Variants in VSIG10L2 observed in about 807,000 individuals in gnomAD.
The protein encoded by VSIG10L2 is V-set and immunoglobulin domain-containing protein 10-like 2.
A neutral mutation model predicts 67.1 loss-of-function variants in VSIG10L2; 56 were observed. The ratio of observed to expected loss-of-function variants is 0.83; its 90% CI spans 0.67 to 1.04. The LOEUF (loss-of-function observed/expected upper bound fraction) is 1.04. Ranked by LOEUF, VSIG10L2 falls within the 50% of genes least tolerant of loss-of-function variation. The pLI, the probability that VSIG10L2 is intolerant of heterozygous loss-of-function variation, is 0.00. For synonymous variants in VSIG10L2, 360 were observed against 396.6 expected (o/e 0.91, Z 1.10); for missense variants, 843 against 932.8 (o/e 0.90, Z 1.25).
chr11:125,953,120 G>A (rs1359885426), intron 6 of VSIG10L2, among the ~76,000 whole-genome samples: 1 of 152,204 alleles, frequency 6.6e-6, no homozygotes, highest in Non-Finnish European at 1.5e-5. Context: ...GACTAGTAAG[G>A]CAGGGCCCTG....
In VSIG10L2 at chr11:125,946,730, G is replaced by A. The variant is rs1359366458; in HGVS notation, c.82+593G>A. Among the ~76,000 whole-genome samples the A allele has an allele frequency of 6.6e-6, 1 of 152,076 alleles. No homozygotes were observed. The highest frequency in any genetic ancestry group is 1.5e-5 in the Non-Finnish European group (1 of 68,006). On this transcript the variant is annotated intron_variant, in intron 1 of 11. Transcript: ENST00000686984. This position sits in a 1 kb window ranked among gnomAD's most constrained non-coding sequence, Gnocchi z 4.4. The stretch of plus-strand genomic sequence containing the variant: ...TTTTTGTATTTTTAGTAGAGCCAGG[G>A]TTTTGCCATGTTGGCCAGGCTGGTC...
At chr11:125,949,971 GA>G (rs1945344156) in intron 3 of VSIG10L2, 42 bp from the exon 4 acceptor site, 9 of 1,232,092 alleles carry the variant, frequency 7.3e-6, no homozygotes, top group Non-Finnish European at 9.1e-6. Context: ...GTGAATGAAG[GA>G]ATGAAGCTGG....
chr11:125,947,892 C>T lies in VSIG10L2; in HGVS notation c.289C>T (p.Leu97=). ...CAAGGTGGAGGCCATCGCCTCGGCT[C>T]TGGGAGTCGTGAGTCTGAGGAACAG... is the stretch of plus-strand genomic sequence containing the variant. ...MSKVEAIASA[L]GVVSLRNSSL... is the part of the protein sequence containing the mutation. The change falls in exon 2 of 12, where the codon CTG becomes TTG. Residue 97 remains leucine (L), a synonymous_variant. Coordinates refer to ENST00000686984, the MANE Select transcript of VSIG10L2 (RefSeq NM_001365077.2). 8.1e-7 allele frequency: 1 copy of T among 1,232,352 alleles called. No homozygotes were observed. The highest frequency in any genetic ancestry group is 1.0e-6 in the Non-Finnish European group (1 of 988,108). 76.3% of individuals were successfully genotyped at this position (1,232,352 alleles called of 1,614,324 possible).
Position 125,950,250 on chromosome 11 carries a change from G to A in VSIG10L2, c.946G>A (p.Asp316Asn). ...YTCLARNSYL[D>N]TRTQTTVQLT... ...CTGCCTGGCCCGCAACAGCTACCTG[G>A]ACACCCGCACCCAGACTACTGTCCA... Residue 316 changes from aspartate to asparagine, a missense_variant, in exon 4 of 12, where the codon GAC becomes AAC. This residue lies in a region of VSIG10L2 where 446 missense variants were observed against 548.4 expected (regional missense o/e 0.81). Coordinates refer to ENST00000686984, the MANE Select transcript of VSIG10L2 (RefSeq NM_001365077.2). 2 of 1,232,450 alleles carry A rather than the reference G, an allele frequency of 1.6e-6. No individual in the cohort carries two copies. The highest frequency in any genetic ancestry group is 2.0e-6 in the Non-Finnish European group (2 of 988,188). 76.3% of individuals were successfully genotyped at this position (1,232,450 alleles called of 1,614,324 possible).
chr11:125,950,339 C>G, intron 4 of VSIG10L2, 50 bp downstream of exon 4: 1 of 1,231,650 alleles, frequency 8.1e-7, no homozygotes, highest in Non-Finnish European at 1.0e-6. Flanking sequence ...GGACAACTCA[C>G]GCTGGAGCCT....
At position 125,953,643 on chromosome 11, in the gene VSIG10L2, G is replaced by C. The variant is rs556457078; in HGVS notation, c.1739G>C (p.Arg580Pro). ...HHRGTYQCVA[R>P]NAVGNSSQSV... ...AGGGGCACCTACCAATGCGTGGCCC[G>C]CAACGCCGTGGGCAATAGCAGTCAG... Residue 580 changes from arginine to proline, a missense_variant, in exon 7 of 12, where the codon CGC becomes CCC. Around this residue, in one of 2 missense-constraint regions of VSIG10L2, gnomAD observed 397 missense variants for 384.4 expected, o/e 1.03. Coordinates refer to ENST00000686984, the MANE Select transcript of VSIG10L2 (RefSeq NM_001365077.2). 6.5e-6 allele frequency: 8 copies of C among 1,232,156 alleles called. No individual in the cohort carries two copies. The highest frequency in any genetic ancestry group is 7.1e-6 in the Non-Finnish European group (7 of 988,032). The allele number at this position is 1,232,156 out of a possible 1,614,324, so 76.3% of individuals were successfully genotyped here. A position where few individuals can be genotyped will look rare whatever the true frequency, so the allele number is the denominator to read the frequency against.
intron 1 of VSIG10L2, chr11:125,947,339 G>A (rs1000397348): frequency 1.3e-6 from 1 of 781,442 alleles, no homozygotes; most frequent in Non-Finnish European, 1.6e-6. Context: ...CCTGGGCCCT[G>A]ACCCCCTCAC....
rs1456344767 is a variant in VSIG10L2 at position 125,955,061 on chromosome 11, C to G, written c.2088C>G (p.Asp696Glu). 8.1e-7 allele frequency: 1 copy of G among 1,234,348 alleles called. No individual in the cohort carries two copies. The highest frequency in any genetic ancestry group is 4.2e-5 in the Admixed American group (1 of 23,988). 76.5% of individuals were successfully genotyped at this position (1,234,348 alleles called of 1,614,324 possible). A position where few individuals can be genotyped will look rare whatever the true frequency, so the allele number is the denominator to read the frequency against. Residue 696 changes from aspartate (D) to glutamate (E), a missense_variant, in exon 9 of 12, where the codon GAC becomes GAG. By Grantham distance (45) the Asp-to-Glu change is conservative (BLOSUM62 2). This residue lies in a region of VSIG10L2 where 397 missense variants were observed against 384.4 expected (regional missense o/e 1.03). Transcript: ENST00000686984. ...ACCTGTGCTCTCCCCTCCTAGCGGA[C>G]CCCCCCTTCAGCGCCTACCCAGCGG... ...GHPSEVKIPADPPFSAYPAVL... is the reference protein window; with the variant it reads ...GHPSEVKIPAEPPFSAYPAVL...
At chr11:125,949,513 G>T (rs753506476) in intron 3 of VSIG10L2, among the ~76,000 whole-genome samples, 43 of 152,194 alleles carry the variant, frequency 2.8e-4, no homozygotes, top group African/African-American at 9.2e-4. Context: ...AGTAGGCAAA[G>T]AATTCAGAAC....
At chr11:125,952,211 T>G (rs2134305715) in intron 6 of VSIG10L2, 138 bp downstream of exon 6, 5 of 1,220,808 alleles carry the variant, frequency 4.1e-6, no homozygotes, top group East Asian at 2.7e-5. Context: ...TAGGAGGTAG[T>G]TAGGAGCTGA....
chr11:125,954,361 T>A lies in VSIG10L2; in HGVS notation c.2061T>A (p.His687Gln). ...ILALNHHTAG[H>Q]PSEVKIPADP... ...CTCTGAATCACCACACTGCAGGACA[T>A]CCCTCTGAGGTGAAGATACCAGGTG... Residue 687 changes from histidine (H) to glutamine (Q), a missense_variant, in exon 8 of 12, where the codon CAT (histidine) becomes CAA (glutamine). Physicochemically the swap from His to Gln is conservative, Grantham distance 24 (BLOSUM62 0). Coordinates refer to ENST00000686984, the MANE Select transcript of VSIG10L2 (RefSeq NM_001365077.2). 2 of 1,232,000 alleles carry A rather than the reference T, an allele frequency of 1.6e-6. No homozygotes were observed. Among genetic ancestry groups the A allele is most frequent in the Non-Finnish European group, 2.0e-6 (2 of 987,984 alleles). 76.3% of individuals were successfully genotyped at this position (1,232,000 alleles called of 1,614,324 possible).
chr11:125,948,313 TC>T lies in VSIG10L2; in HGVS notation c.444del (p.Lys149SerfsTer6), dbSNP rs1945321915. 2 of 1,232,598 alleles carry T rather than the reference TC, an allele frequency of 1.6e-6. No homozygotes were observed. 76.4% of individuals were successfully genotyped at this position (1,232,598 alleles called of 1,614,324 possible). A position where few individuals can be genotyped will look rare whatever the true frequency, so the allele number is the denominator to read the frequency against. ...CTCCCTCCTCTGGCCAGTGCCGGTG[TC>T]CAAGCCTCAAGTGCGACTGAGTAAC... ...HLTLAVLVPVSKPQVRLSNPS... is the reference protein window; with the variant it reads ...HLTLAVLVPVXKPQVRLSNPS... On this transcript the variant is annotated frameshift_variant, in exon 3 of 12. Transcript: ENST00000686984. LOFTEE classifies it high-confidence loss of function.
intron 1 of VSIG10L2, chr11:125,947,446 C>T (rs991772197): frequency 1.8e-5 from 18 of 985,402 alleles, no homozygotes; most frequent in Non-Finnish European, 2.0e-5. Context: ...GATGTCTGCT[C>T]CAGTCCATTC....
At position 125,950,110 on chromosome 11, in the gene VSIG10L2, T is replaced by C; in HGVS notation, c.806T>C (p.Leu269Pro). 8.1e-7 allele frequency: 1 copy of C among 1,232,406 alleles called. No homozygotes were observed. The highest frequency in any genetic ancestry group is 1.0e-6 in the Non-Finnish European group (1 of 988,144). 76.3% of individuals were successfully genotyped at this position (1,232,406 alleles called of 1,614,324 possible). A position where few individuals can be genotyped will look rare whatever the true frequency, so the allele number is the denominator to read the frequency against. Residue 269 changes from leucine (L) to proline (P), a missense_variant, in exon 4 of 12, where the codon CTG becomes CCG. Leu to Pro is a moderately conservative substitution (Grantham distance 98). This residue lies in a region of VSIG10L2 where 446 missense variants were observed against 548.4 expected (regional missense o/e 0.81). Coordinates refer to ENST00000686984, the MANE Select transcript of VSIG10L2 (RefSeq NM_001365077.2). The part of the protein sequence containing the change: ...SEREEVTLSC[L>P]AASNPPSHYV... ...AGGGAAGAGGTGACCCTGAGCTGTC[T>C]GGCTGCCTCCAACCCACCTAGTCAC...
rs749853064 is a variant in VSIG10L2, at chr11:125,948,385, C to T, written c.514C>T (p.Arg172Trp). Residue 172 changes from arginine to tryptophan, a missense_variant, in exon 3 of 12, where the codon CGG (arginine) becomes TGG (tryptophan). By Grantham distance (101) the Arg-to-Trp change is moderately radical. This residue lies in a region of VSIG10L2 where 446 missense variants were observed against 548.4 expected (regional missense o/e 0.81). Coordinates refer to ENST00000686984, the MANE Select transcript of VSIG10L2 (RefSeq NM_001365077.2). The part of the protein sequence containing the change: ...GASVVATCAV[R>W]EGTEPVTFAW... ...CTCCGTGGTGGCCACGTGTGCAGTGCGGGAGGGCACAGAGCCCGTGACCTT... is the reference window on the plus strand; with the variant it reads ...CTCCGTGGTGGCCACGTGTGCAGTGTGGGAGGGCACAGAGCCCGTGACCTT... The T allele has an allele frequency of 3.2e-4, 391 of 1,232,372 alleles. No individual in the cohort carries two copies. The highest frequency in any genetic ancestry group is 3.7e-4 in the Non-Finnish European group (362 of 988,144). 76.3% of individuals were successfully genotyped at this position (1,232,372 alleles called of 1,614,324 possible). A position where few individuals can be genotyped will look rare whatever the true frequency, so the allele number is the denominator to read the frequency against.
chr11:125,953,455 G>C lies in VSIG10L2; in HGVS notation c.1551G>C (p.Glu517Asp), dbSNP rs190455414. The C allele has an allele frequency of 1.3e-4, 155 of 1,232,334 alleles. No homozygotes were observed. The African/African-American group carries it at 2.2e-3, about 18-fold the overall frequency. 76.3% of individuals were successfully genotyped at this position (1,232,334 alleles called of 1,614,324 possible). A position where few individuals can be genotyped will look rare whatever the true frequency, so the allele number is the denominator to read the frequency against. Residue 517 changes from glutamate (E) to aspartate (D), a missense_variant, in exon 7 of 12, where the codon GAG becomes GAC. Transcript: ENST00000686984. The part of the protein sequence containing the change: ...EPRVSVLEGG[E>D]AWLECSLRGG... ...GCGTGTCAGTGTTGGAGGGGGGAGA[G>C]GCCTGGCTGGAGTGCTCTCTCCGCG...
intron 10 of VSIG10L2, 47 bp from the exon 11 acceptor site, chr11:125,955,568 G>A (rs1565479007): frequency 7.5e-6 from 11 of 1,471,530 alleles, no homozygotes; most frequent in Admixed American, 4.0e-5. Flanking sequence ...AAAGGAAAGC[G>A]AGGGAAGTGA....
At chr11:125,953,989 C>A in intron 7 of VSIG10L2, 98 bp from the exon 8 acceptor site, 1 of 1,056,470 alleles carries the variant, frequency 9.5e-7, no homozygotes, top group Non-Finnish European at 1.2e-6. Context: ...GCCTTGTCCA[C>A]ACTGCCAGGC....
Position 125,951,053 on chromosome 11 carries a change from G to A in VSIG10L2, c.1129G>A (p.Val377Ile), listed in dbSNP as rs890014035. The change falls in exon 5 of 12, where the codon GTC (valine) becomes ATC (isoleucine). Residue 377 changes from valine to isoleucine, a missense_variant. Physicochemically the swap from Val to Ile is conservative, Grantham distance 29 (BLOSUM62 3). Coordinates refer to ENST00000686984, the MANE Select transcript of VSIG10L2 (RefSeq NM_001365077.2). Reference protein sequence around the residue: ...QGPGPTAPSNVTWSHAAAQLP... With the variant: ...QGPGPTAPSNITWSHAAAQLP... ...ACCTGGCCCTACTGCCCCCAGCAAC[G>A]TCACCTGGAGTCACGCAGCCGCCCA... 4.4e-5 allele frequency: 54 copies of A among 1,232,294 alleles called. No homozygotes were observed. Among genetic ancestry groups the A allele is most frequent in the African/African-American group, 3.3e-4 (21 of 64,422 alleles). The allele number at this position is 1,232,294 out of a possible 1,614,324, so 76.3% of individuals were successfully genotyped here.
Sources: allele counts gnomAD v4.1 joint callset (sites outside exome capture counted in the v4.1 genomes callset), GRCh38; gene constraint gnomAD v4.1.1; regional missense constraint gnomAD v4.1.1; non-coding constraint Gnocchi (gnomAD v3.1); transcripts MANE v1.5; gene names NCBI Gene and HGNC (gene_info 2026-07-23, HGNC 2026-07-21).